Variants in MBNL2 observed in about 807,000 individuals in gnomAD.
The protein encoded by MBNL2 is muscleblind like splicing regulator 2, also known as muscleblind-like protein 2.
In MBNL2, 17 loss-of-function variants were observed where a neutral mutation model predicts 41.9. The observed-to-expected ratio is 0.41, with a 90% CI of 0.28 to 0.61. The LOEUF (loss-of-function observed/expected upper bound fraction) is 0.61, where lower values mean the gene tolerates loss of function less well. Ranked by LOEUF, MBNL2 falls within the 20% of genes least tolerant of loss-of-function variation. MBNL2 has a pLI of 0.35. For missense variants in MBNL2, 336 were observed against 505.6 expected, an observed-to-expected ratio of 0.66 and a Z score of 3.22; for synonymous variants, 195 against 182.9, an observed-to-expected ratio of 1.07 and a Z score of -0.53.
At chr13:97,310,457 TCTCA>T (rs1054089382) in intron 2 of MBNL2, among the ~76,000 whole-genome samples, 15 of 150,998 alleles carry the variant, frequency 9.9e-5, no homozygotes, top group African/African-American at 3.2e-4. Flanking sequence ...TGAGACGGAG[TCTCA>T]CTCTGTTGCC....
chr13:97,365,166 G>C lies in MBNL2; in HGVS notation c.1043G>C (p.Ser348Thr), dbSNP rs762420220. Residue 348 changes from serine (S) to threonine (T), a missense_variant, in exon 8 of 9, where the codon AGT (serine) becomes ACT (threonine). Ser to Thr is a moderately conservative substitution (Grantham distance 58). Transcript: ENST00000679496. ...GSVLCMTPAT[S>T]IDNSEIISRN... Reference sequence around the variant, plus strand: ...GTTTTGTGCATGACACCCGCTACCAGTATTGGTAGGTTTCAACCTTTTTTA... The same window carrying C: ...GTTTTGTGCATGACACCCGCTACCACTATTGGTAGGTTTCAACCTTTTTTA... The C allele has an allele frequency of 6.2e-7, 1 of 1,601,458 alleles. No homozygotes were observed. Among genetic ancestry groups the C allele is most frequent in the South Asian group, 1.1e-5 (1 of 90,840 alleles).
At chr13:97,171,840 T>C in the MBNL2 span, among the ~76,000 whole-genome samples, 1 of 152,180 alleles carries the variant, frequency 6.6e-6, no homozygotes. Flanking sequence ...TTCCCCAGTC[T>C]CTTCTCATGG....
chr13:97,166,459 T>A, the MBNL2 span, among the ~76,000 whole-genome samples: 4 of 62,150 alleles, frequency 6.4e-5, no homozygotes, highest in Admixed American at 5.4e-4. Context: ...ATCTTGTGTA[T>A]GTCTGAGGGT....
Position 97,285,104 on chromosome 13 carries a change from ACTT to A in MBNL2, c.174+8699_174+8701del, listed in dbSNP as rs535427014. Among the ~76,000 whole-genome samples, 11 of 152,306 alleles carry A rather than the reference ACTT, an allele frequency of 7.2e-5. No individual in the cohort carries two copies. The South Asian group carries it at 2.3e-3, about 32-fold the overall frequency. On this transcript the variant is annotated intron_variant, in intron 2 of 8. Transcript: ENST00000679496. ...AAAATAGTCAGCATTTTGTCAGTAC[ACTT>A]CTTTCAGTCAAACTTTTATTTATAT...
intron 1 of MBNL2, among the ~76,000 whole-genome samples, chr13:97,249,751 G>T (rs2046161594): frequency 6.6e-6 from 1 of 152,116 alleles, no homozygotes; most frequent in African/African-American, 2.4e-5. Context: ...ATCTGAGAAG[G>T]TTTTTCATTT....
intron 3 of MBNL2, among the ~76,000 whole-genome samples, chr13:97,337,020 T>C (rs1237419950): frequency 6.6e-6 from 1 of 152,134 alleles, no homozygotes; most frequent in Admixed American, 6.5e-5. Context: ...TTGCCTTTAT[T>C]GTTGCTGTGG....
intron 3 of MBNL2, among the ~76,000 whole-genome samples, chr13:97,341,192 C>A (rs1368664797): frequency 2.6e-5 from 4 of 152,134 alleles, no homozygotes; most frequent in Non-Finnish European, 4.4e-5. Flanking sequence ...TGCATCAGAT[C>A]ATTTAGTAAA....
At chr13:97,230,826 G>A (rs2042279328) in intron 1 of MBNL2, among the ~76,000 whole-genome samples, 1 of 152,150 alleles carries the variant, frequency 6.6e-6, no homozygotes, top group South Asian at 2.1e-4. Flanking sequence ...TCCTTTTGGG[G>A]CAAATATTGG....
the MBNL2 span, among the ~76,000 whole-genome samples, chr13:97,155,382 TTTTTTTTTTTTA>T: frequency 9.3e-6 from 1 of 107,330 alleles, no homozygotes; most frequent in African/African-American, 4.5e-5. Flanking sequence ...AGTAATTTTC[TTTTTTTTTTTTA>T]TTTTTTTTTT....
At chr13:97,175,842 G>A in the MBNL2 span, among the ~76,000 whole-genome samples, 1 of 152,180 alleles carries the variant, frequency 6.6e-6, no homozygotes, top group African/African-American at 2.4e-5. Flanking sequence ...TAGAGTTGCA[G>A]ACCTCCAGTG....
the MBNL2 span, among the ~76,000 whole-genome samples, chr13:97,177,094 T>C: frequency 3.3e-5 from 5 of 152,270 alleles, no homozygotes; most frequent in East Asian, 9.6e-4. Context: ...TCCTAGCACT[T>C]TGGGAGGCTG....
intron 2 of MBNL2, among the ~76,000 whole-genome samples, chr13:97,325,574 A>T (rs1032767750): frequency 2.0e-5 from 3 of 152,120 alleles, no homozygotes; most frequent in Non-Finnish European, 2.9e-5. Flanking sequence ...CTACAAAAAT[A>T]AAAAAATTAG....
intron 2 of MBNL2, among the ~76,000 whole-genome samples, chr13:97,327,921 G>GTGA (rs1457674972): frequency 3.3e-5 from 5 of 152,240 alleles, no homozygotes; most frequent in African/African-American, 7.2e-5. Context: ...AATAGTAATA[G>GTGA]TGATGATGAT....
Position 97,334,141 on chromosome 13 carries a change from C to T in MBNL2, c.175-135C>T, listed in dbSNP as rs775845422. Reference sequence around the variant, plus strand: ...CCCAACAAACACATGAGCATGCGCGCGCACACCCACACACACACACACACA... The same window carrying T: ...CCCAACAAACACATGAGCATGCGCGTGCACACCCACACACACACACACACA... On this transcript the variant is annotated intron_variant, in intron 2 of 8. Transcript: ENST00000679496. This position sits in a 1 kb window ranked among gnomAD's most constrained non-coding sequence, Gnocchi z 5.3. 8.4e-5 allele frequency: 49 copies of T among 585,608 alleles called. No homozygotes were observed. The highest frequency in any genetic ancestry group is 5.6e-4 in the South Asian group (22 of 39,150). The allele number at this position is 585,608 out of a possible 1,614,324, so 36.3% of individuals were successfully genotyped here.
chr13:97,353,080 A>G (rs2062650372), intron 5 of MBNL2, among the ~76,000 whole-genome samples: 1 of 152,236 alleles, frequency 6.6e-6, no homozygotes, highest in Admixed American at 6.5e-5. Context: ...TCATGGTTAC[A>G]TTCATCAAGC....
intron 2 of MBNL2, among the ~76,000 whole-genome samples, chr13:97,307,214 G>C (rs976861849): frequency 3.9e-5 from 6 of 152,048 alleles, no homozygotes; most frequent in Non-Finnish European, 5.9e-5. Context: ...TGCCATCCTA[G>C]TTGGTTGTCA....
At chr13:97,370,790 G>T (rs945602091) in intron 8 of MBNL2, among the ~76,000 whole-genome samples, 1 of 152,076 alleles carries the variant, frequency 6.6e-6, no homozygotes, top group African/African-American at 2.4e-5. Flanking sequence ...CTAAGAAAAA[G>T]TTAGTCCTTT....
chr13:97,342,634 T>C (rs1243812637), intron 3 of MBNL2, among the ~76,000 whole-genome samples: 2 of 152,210 alleles, frequency 1.3e-5, no homozygotes, highest in African/African-American at 4.8e-5. Context: ...TCCTCTCCCT[T>C]TGAGAAACAT....
Position 97,373,465 on chromosome 13 carries a change from TAA to T in MBNL2, c.1048+8306_1048+8307del, listed in dbSNP as rs550244280. 3.6e-5 allele frequency among the ~76,000 whole-genome samples: 5 copies of T among 140,770 alleles called. No homozygotes were observed. The South Asian group carries it at 9.0e-4, about 25-fold the overall frequency. 92.4% of individuals were successfully genotyped at this position (140,770 alleles called of 152,430 possible). On this transcript the variant is annotated intron_variant, in intron 8 of 8. Coordinates refer to ENST00000679496, the MANE Select transcript of MBNL2 (RefSeq NM_001382683.1). ...TTGAAACCTGCACAATTTCTTTGTG[TAA>T]AAAAAAAAAAACTATAAAAATTGCA...
Sources: gnomAD v4.1 joint callset for allele counts (sites outside exome capture counted in the v4.1 genomes callset) on GRCh38, gnomAD v4.1.1 for gene constraint, Gnocchi (gnomAD v3.1) non-coding constraint, MANE v1.5 for transcripts, NCBI Gene and HGNC (gene_info 2026-07-23, HGNC 2026-07-21) for gene names.